NOTCH3: variants seen among roughly 807,000 people sequenced by gnomAD.
NOTCH3 encodes neurogenic locus notch homolog protein 3.
NOTCH3 carries 86 observed loss-of-function variants against 213.3 expected under a neutral mutation model. That is an observed-to-expected ratio of 0.40 (90% confidence interval 0.34 to 0.48). The LOEUF (loss-of-function observed/expected upper bound fraction) is 0.48. NOTCH3 is among the 20% of genes least tolerant of loss of function. The pLI is 0.57. For missense variants in NOTCH3, 2,783 were observed against 3,272.6 expected (o/e 0.85, Z 3.65); for synonymous variants, 1,354 against 1,355.9 (o/e 1.00, Z 0.03).
chr19:15,165,410 G>A lies in NOTCH3; in HGVS notation c.5773C>T (p.Leu1925Phe). Residue 1925 changes from leucine to phenylalanine, a missense_variant, in exon 31 of 33, where the codon CTC (leucine) becomes TTC (phenylalanine). By Grantham distance (22) the Leu-to-Phe change is conservative. Transcript: ENST00000263388. This position sits in a 1 kb window ranked among gnomAD's most constrained non-coding sequence, Gnocchi z 4.7. ...TTGACATCAGCATGGCTGGCGATGA[G>A]CTCTTCCACCATGCCCTCTACTGCC... ...RLAVEGMVEELIASHADVNAV... is the reference protein window; with the variant it reads ...RLAVEGMVEEFIASHADVNAV... The A allele has an allele frequency of 6.2e-7, 1 of 1,610,798 alleles. No individual in the cohort carries two copies. The highest frequency in any genetic ancestry group is 8.5e-7 in the Non-Finnish European group (1 of 1,180,020).
Position 15,191,838 on chromosome 19 carries a change from C to T in NOTCH3, c.709G>A (p.Val237Met), listed in dbSNP as rs2285981. Reference sequence around the variant, plus strand: ...CATCGGTGTCCTGGACAGTCGTCCACGTTCACTTCACAATTCTGACCCTCA... The same window carrying T: ...CATCGGTGTCCTGGACAGTCGTCCATGTTCACTTCACAATTCTGACCCTCA... ...GFEGQNCEVNVDDCPGHRCLN... is the reference protein window; with the variant it reads ...GFEGQNCEVNMDDCPGHRCLN... Residue 237 changes from valine to methionine, a missense_variant, in exon 5 of 33, where the codon GTG (valine) becomes ATG (methionine). Coordinates refer to ENST00000263388, the MANE Select transcript of NOTCH3 (RefSeq NM_000435.3). 1.2e-4 allele frequency: 190 copies of T among 1,613,972 alleles called. No individual in the cohort carries two copies. In the East Asian group the frequency reaches 3.1e-3, roughly 26 times the overall value.
Position 15,174,123 on chromosome 19 carries a change from G to T in NOTCH3, c.4681C>A (p.Pro1561Thr), listed in dbSNP as rs1334336977. The T allele has an allele frequency of 1.2e-6, 2 of 1,604,210 alleles. No homozygotes were observed. The highest frequency in any genetic ancestry group is 2.2e-5 in the East Asian group (1 of 44,672). The change falls in exon 25 of 33, where the codon CCT becomes ACT. Residue 1561 changes from proline (P) to threonine (T), a missense_variant. Transcript: ENST00000263388. ...GQAMVFPYHR[P>T]SPGSEPRARR... ...GCCCGGGGTTCGGAGCCAGGACTAG[G>T]CCGGTGGTAAGGGAAGACCATGGCC...
At position 15,162,528 on chromosome 19, in the gene NOTCH3, G is replaced by A. The variant is rs2145385879; in HGVS notation, c.5850C>T (p.Asn1950=). ...KSALHWAAAV[N]NVEATLALLK... is the part of the protein sequence containing the mutation. ...GCAGGGCCAAAGTGGCTTCCACGTT[G>A]TTCACAGCCGCAGCCCAGTGTAAGG... The change falls in exon 32 of 33, where the codon AAC becomes AAT. Residue 1950 remains asparagine, a synonymous_variant. Coordinates refer to ENST00000263388, the MANE Select transcript of NOTCH3 (RefSeq NM_000435.3). 6.2e-7 allele frequency: 1 copy of A among 1,614,022 alleles called. No homozygotes were observed. Among genetic ancestry groups the A allele is most frequent in the Non-Finnish European group, 8.5e-7 (1 of 1,179,986 alleles).
rs1344727805 is a variant in NOTCH3, at chr19:15,178,578, T to A, written c.3837+245A>T. On this transcript the variant is annotated intron_variant, in intron 23 of 32. Coordinates refer to ENST00000263388, the MANE Select transcript of NOTCH3 (RefSeq NM_000435.3). ...TTTTATATTTTTAGTAGAGACGGGG[T>A]TTCACCATGTTGCCCAGGCTGGTCT... The A allele has an allele frequency of 1.9e-5, 11 of 567,710 alleles. No homozygotes were observed. In the East Asian group the frequency reaches 3.3e-4, roughly 17 times the overall value. 35.2% of individuals were successfully genotyped at this position (567,710 alleles called of 1,614,324 possible).
At chr19:15,175,588 T>TACACACACAC (rs149125680) in intron 24 of NOTCH3, among the ~76,000 whole-genome samples, 26 of 47,206 alleles carry the variant, frequency 5.5e-4, no homozygotes, top group African/African-American at 1.3e-3. Context: ...TATATATGTA[T>TACACACACAC]ATACACACAC....
In NOTCH3 at chr19:15,187,255, C is replaced by T. The variant is rs374767079; in HGVS notation, c.1690G>A (p.Ala564Thr). ...GGAGCACAGGCACATGAGAAGCTGG[C>T]GATGCCATCCACGCAGCGACCATGG... ...CHHGRCVDGIASFSCACAPGY... is the reference protein window; with the variant it reads ...CHHGRCVDGITSFSCACAPGY... The change falls in exon 11 of 33, where the codon GCC becomes ACC. Residue 564 changes from alanine to threonine, a missense_variant. Ala to Thr is a moderately conservative substitution (Grantham distance 58). This residue lies in a region of NOTCH3 where 708 missense variants were observed against 906.6 expected (regional missense o/e 0.78). Coordinates refer to ENST00000263388, the MANE Select transcript of NOTCH3 (RefSeq NM_000435.3). 8.7e-5 allele frequency: 140 copies of T among 1,614,098 alleles called. No individual in the cohort carries two copies. The highest frequency in any genetic ancestry group is 7.8e-4 in the East Asian group (35 of 44,886).
Position 15,197,526 on chromosome 19 carries a change from C to T in NOTCH3, c.171G>A (p.Gln57=), listed in dbSNP as rs755917588. The part of the protein sequence containing the change: ...SPCANGGRCT[Q]LPSREAACLC... Reference sequence around the variant, plus strand: ...GGCAGGCAGCCTCCCGGGAGGGCAGCTGGGTGCAACGACCTCCATTTGCAC... The same window carrying T: ...GGCAGGCAGCCTCCCGGGAGGGCAGTTGGGTGCAACGACCTCCATTTGCAC... Residue 57 remains glutamine (Q), a synonymous_variant, in exon 2 of 33, where the codon CAG becomes CAA. Coordinates refer to ENST00000263388, the MANE Select transcript of NOTCH3 (RefSeq NM_000435.3). 1 of 1,610,128 alleles carries T rather than the reference C, an allele frequency of 6.2e-7. No homozygotes were observed. Among genetic ancestry groups the T allele is most frequent in the Admixed American group, 1.7e-5 (1 of 59,854 alleles).
rs1192814038 is a variant in NOTCH3, at chr19:15,170,504, T to C, written c.4941A>G (p.Leu1647=). 2 of 1,610,348 alleles carry C rather than the reference T, an allele frequency of 1.2e-6. No homozygotes were observed. The highest frequency in any genetic ancestry group is 1.7e-5 in the Admixed American group (1 of 60,030). The change falls in exon 27 of 33, where the codon CTA becomes CTG. Residue 1647 remains leucine, a synonymous_variant. Transcript: ENST00000263388. ...PEPSVPLLPL[L]VAGAVLLLVI... ...CCAGCAGCAAGACAGCGCCCGCCAC[T>C]AGCAGTGGCAGCAGCGGGACGCTGG... is the stretch of plus-strand genomic sequence containing the variant.
At chr19:15,169,562 G>A (rs1257440537) in intron 28 of NOTCH3, among the ~76,000 whole-genome samples, 2 of 152,096 alleles carry the variant, frequency 1.3e-5, no homozygotes, top group Admixed American at 6.6e-5. Flanking sequence ...GTACAGACGG[G>A]GTTTCACCAT....
At position 15,189,326 on chromosome 19, in the gene NOTCH3, G is replaced by C; in HGVS notation, c.1139C>G (p.Pro380Arg). ...PVNGRAICTCPPGFTGGACDQ... is the reference protein window; with the variant it reads ...PVNGRAICTCRPGFTGGACDQ... ...ACATGCCCCACCCGTGAAGCCGGGA[G>C]GACAGGTGCAAATGGCCCGGCCGTT... The change falls in exon 7 of 33, where the codon CCT (proline) becomes CGT (arginine). Residue 380 changes from proline to arginine, a missense_variant. By Grantham distance (103) the Pro-to-Arg change is moderately radical (BLOSUM62 -2). This residue lies in a region of NOTCH3 where 708 missense variants were observed against 906.6 expected (regional missense o/e 0.78). Coordinates refer to ENST00000263388, the MANE Select transcript of NOTCH3 (RefSeq NM_000435.3). 6.2e-7 allele frequency: 1 copy of C among 1,614,082 alleles called. No individual in the cohort carries two copies. The highest frequency in any genetic ancestry group is 8.5e-7 in the Non-Finnish European group (1 of 1,180,040).
At chr19:15,179,942 CA>C (rs2046825337) in intron 20 of NOTCH3, 129 bp downstream of exon 20, 1 of 652,448 alleles carries the variant, frequency 1.5e-6, no homozygotes, top group Admixed American at 2.5e-5. Flanking sequence ...ACAGATACAC[CA>C]AGAGTCACAA....
chr19:15,194,898 AG>A (rs1216488651), intron 2 of NOTCH3, among the ~76,000 whole-genome samples: 1 of 150,646 alleles, frequency 6.6e-6, no homozygotes, highest in Non-Finnish European at 1.5e-5. Flanking sequence ...TAGAGGCTGC[AG>A]TGAGCCAAGA....
intron 12 of NOTCH3, among the ~76,000 whole-genome samples, chr19:15,186,529 C>T (rs1331609559): frequency 1.3e-5 from 2 of 151,920 alleles, no homozygotes; most frequent in African/African-American, 2.4e-5. Context: ...CTCAGCCTCC[C>T]GAGTAGCTAG....
chr19:15,199,357 T>A (rs2046993448), intron 1 of NOTCH3, among the ~76,000 whole-genome samples: 1 of 152,116 alleles, frequency 6.6e-6, no homozygotes, highest in Non-Finnish European at 1.5e-5. Context: ...ATGTGAACCG[T>A]GTAAATGGGT....
chr19:15,189,252 A>G (rs199605137), intron 7 of NOTCH3, 21 bp downstream of exon 7: 2 of 1,613,802 alleles, frequency 1.2e-6, no homozygotes, highest in Middle Eastern at 1.6e-4. Flanking sequence ...GCCCATTCAC[A>G]GACGATGGAG....
At chr19:15,193,222 T>C (rs2046943707) in intron 2 of NOTCH3, among the ~76,000 whole-genome samples, 1 of 151,868 alleles carries the variant, frequency 6.6e-6, no homozygotes, top group Non-Finnish European at 1.5e-5. Flanking sequence ...TTTTTTTAAA[T>C]GGCTCTTTGC....
intron 25 of NOTCH3, among the ~76,000 whole-genome samples, chr19:15,172,923 C>G (rs1298548623): frequency 6.6e-6 from 1 of 150,406 alleles, no homozygotes; most frequent in Non-Finnish European, 1.5e-5. Context: ...TTCCAAAGTG[C>G]TGGGATTACA....
Position 15,185,411 on chromosome 19 carries a change from G to C in NOTCH3, c.2145-3C>G. 1 of 1,612,134 alleles carries C rather than the reference G, an allele frequency of 6.2e-7. No homozygotes were observed. The highest frequency in any genetic ancestry group is 8.5e-7 in the Non-Finnish European group (1 of 1,179,352). On this transcript the variant is annotated splice_region_variant and splice_polypyrimidine_tract_variant and intron_variant, in intron 13 of 32. Coordinates refer to ENST00000263388, the MANE Select transcript of NOTCH3 (RefSeq NM_000435.3). This position sits in a 1 kb window ranked among gnomAD's most constrained non-coding sequence, Gnocchi z 4.2. ...CAGGCTCACACACACAGCGGAACCTGGCAGGGGAAGGTAGTCAGGCCAGGG... is the reference window on the plus strand; with the variant it reads ...CAGGCTCACACACACAGCGGAACCTCGCAGGGGAAGGTAGTCAGGCCAGGG...
chr19:15,166,171 G>C, intron 29 of NOTCH3, 80 bp from the exon 30 acceptor site: 10 of 1,213,572 alleles, frequency 8.2e-6, no homozygotes, highest in Non-Finnish European at 1.1e-5. Flanking sequence ...ACCCCATTAG[G>C]AGCTAATGGG....
Sources: allele counts gnomAD v4.1 joint callset (sites outside exome capture counted in the v4.1 genomes callset), GRCh38; gene constraint gnomAD v4.1.1; regional missense constraint gnomAD v4.1.1; non-coding constraint Gnocchi (gnomAD v3.1); transcripts MANE v1.5; gene names NCBI Gene and HGNC (gene_info 2026-07-23, HGNC 2026-07-21).